Variants in QKI observed in about 807,000 individuals in gnomAD.
QKI encodes KH domain-containing RNA-binding protein QKI.
In QKI, 10 loss-of-function variants were observed where a neutral mutation model predicts 39.0. That is an observed-to-expected ratio of 0.26 (90% CI 0.16 to 0.43). QKI has a LOEUF of 0.43. Among genes scored for constraint, QKI ranks in the 20% least tolerant of loss-of-function variants. QKI has a pLI of 1.00. For synonymous variants in QKI, 204 were observed against 155.4 expected, an observed-to-expected ratio of 1.31 and a Z score of -2.33; for missense variants, 218 against 428.0, an observed-to-expected ratio of 0.51 and a Z score of 4.33.
At chr6:163,568,960 C>T (rs1016326829) in intron 7 of QKI, 33 of 985,872 alleles carry the variant, frequency 3.3e-5, no homozygotes, top group African/African-American at 2.3e-4. Flanking sequence ...TCACTCACTT[C>T]GTTTATATAT....
intron 4 of QKI, among the ~76,000 whole-genome samples, chr6:163,555,019 A>G (rs148329403): frequency 1.2e-3 from 190 of 152,330 alleles, no homozygotes; most frequent in Non-Finnish European, 2.2e-3. Flanking sequence ...GAGCAGATCA[A>G]GGTGGTAATT....
chr6:163,570,511 T>C (rs1490142028), intron 7 of QKI, 183 bp from the exon 8 acceptor site: 6 of 984,380 alleles, frequency 6.1e-6, no homozygotes, highest in East Asian at 2.3e-4. Flanking sequence ...GAAATTGTCA[T>C]GATTTTAATT....
intron 2 of QKI, among the ~76,000 whole-genome samples, chr6:163,466,853 G>C (rs1274440625): frequency 1.3e-5 from 2 of 152,000 alleles, no homozygotes; most frequent in East Asian, 1.9e-4. Context: ...AAAAACACAA[G>C]CAACAAAAGC....
intron 3 of QKI, among the ~76,000 whole-genome samples, chr6:163,507,360 A>G (rs926527661): frequency 2.0e-5 from 3 of 152,210 alleles, no homozygotes; most frequent in Non-Finnish European, 4.4e-5. Flanking sequence ...GCAACTCTAA[A>G]ATATGCACGA....
chr6:163,569,892 A>G (rs1446625027), intron 7 of QKI: 7 of 986,864 alleles, frequency 7.1e-6, no homozygotes, highest in Non-Finnish European at 8.4e-6. Context: ...TTGAGTGTAG[A>G]ATTTTAAATG....
chr6:163,554,871 T>C (rs1425650828), intron 4 of QKI, among the ~76,000 whole-genome samples: 1 of 152,256 alleles, frequency 6.6e-6, no homozygotes, highest in East Asian at 1.9e-4. Flanking sequence ...GTAATCACGC[T>C]GGCGCCCCCA....
At chr6:163,483,578 T>G (rs1000195660) in intron 3 of QKI, among the ~76,000 whole-genome samples, 2 of 152,214 alleles carry the variant, frequency 1.3e-5, no homozygotes, top group African/African-American at 4.8e-5. Context: ...TGCTCATCCA[T>G]AAGAAGCAAC....
At chr6:163,459,575 A>G (rs1281104453) in intron 2 of QKI, among the ~76,000 whole-genome samples, 3 of 152,206 alleles carry the variant, frequency 2.0e-5, no homozygotes, top group Non-Finnish European at 4.4e-5. Context: ...TTGCCGAAAA[A>G]TAATTGAGAT....
intron 1 of QKI, among the ~76,000 whole-genome samples, chr6:163,442,283 A>G (rs1029144222): frequency 6.6e-6 from 1 of 152,244 alleles, no homozygotes; most frequent in African/African-American, 2.4e-5. Context: ...TAAGTTTACT[A>G]GTATTTTAAA....
intron 3 of QKI, among the ~76,000 whole-genome samples, chr6:163,479,726 T>C (rs1281158283): frequency 6.6e-6 from 1 of 152,270 alleles, no homozygotes; most frequent in Non-Finnish European, 1.5e-5. Flanking sequence ...CAGTTCATCA[T>C]GTTACCTTCC....
rs760531396 is a variant in QKI, at chr6:163,415,267, A to G, written c.74A>G (p.Lys25Arg). The G allele has an allele frequency of 8.8e-6, 14 of 1,596,942 alleles. No individual in the cohort carries two copies. Among genetic ancestry groups the G allele is most frequent in the Non-Finnish European group, 5.1e-6 (6 of 1,169,302 alleles). ...PDYLMQLMND[K>R]KLMSSLPNFC... ...TACCTGATGCAGCTGATGAACGACA[A>G]GAAGCTCATGAGCAGCCTGCCCAAC... The change falls in exon 1 of 8, where the codon AAG becomes AGG. Residue 25 changes from lysine (K) to arginine (R), a missense_variant. Lys to Arg is a conservative substitution (Grantham distance 26). Around this residue, in one of 3 missense-constraint regions of QKI, gnomAD observed 40 missense variants for 48.7 expected, o/e 0.82. Coordinates refer to ENST00000361752, the MANE Select transcript of QKI (RefSeq NM_006775.3).
At chr6:163,421,222 A>T (rs985846542) in intron 1 of QKI, among the ~76,000 whole-genome samples, 3 of 152,220 alleles carry the variant, frequency 2.0e-5, no homozygotes, top group Non-Finnish European at 4.4e-5. Context: ...ATGTCATGTT[A>T]TTTGTAGTAC....
In QKI at chr6:163,478,952, A is replaced by G. The variant is rs1388704998; in HGVS notation, c.402+56A>G. The G allele has an allele frequency of 1.9e-5, 26 of 1,351,970 alleles. No homozygotes were observed. In the East Asian group the frequency reaches 2.6e-4, roughly 13 times the overall value. 83.7% of individuals were successfully genotyped at this position (1,351,970 alleles called of 1,614,324 possible). ...TGTGAGTAACTTACTATACTTTTAC[A>G]TCGTAATAATAAAATTTCCAGATTT... On this transcript the variant is annotated intron_variant, in intron 3 of 7. Transcript: ENST00000361752.
Position 163,415,404 on chromosome 6 carries a change from G to T in QKI, c.142+69G>T, listed in dbSNP as rs370301190. 2,686 of 1,484,972 alleles carry T rather than the reference G, an allele frequency of 1.8e-3. 117 individuals carry two copies. The East Asian group carries it at 0.051, about 28-fold the overall frequency. The allele number at this position is 1,484,972 out of a possible 1,614,324, so 92.0% of individuals were successfully genotyped here. A position where few individuals can be genotyped will look rare whatever the true frequency, so the allele number is the denominator to read the frequency against. ...GGCGGCCCCTTTCCCCGCTTGGGAT[G>T]GTGGGGAGGGCGGGAAGGTCACGGC... On this transcript the variant is annotated intron_variant, in intron 1 of 7. Coordinates refer to ENST00000361752, the MANE Select transcript of QKI (RefSeq NM_006775.3).
intron 4 of QKI, among the ~76,000 whole-genome samples, chr6:163,556,520 A>AC (rs1285817229): frequency 2.0e-5 from 3 of 149,704 alleles, no homozygotes; most frequent in African/African-American, 7.5e-5. Context: ...AAAAAAAAAA[A>AC]AAAACAACAA....
intron 1 of QKI, among the ~76,000 whole-genome samples, chr6:163,418,468 G>A: frequency 6.6e-6 from 1 of 152,030 alleles, no homozygotes; most frequent in Non-Finnish European, 1.5e-5. Context: ...TTGTTTTACT[G>A]CTTGTTTTTG....
intron 3 of QKI, among the ~76,000 whole-genome samples, chr6:163,517,985 C>A (rs1293967666): frequency 2.0e-5 from 3 of 152,050 alleles, no homozygotes; most frequent in Non-Finnish European, 2.9e-5. Flanking sequence ...CCTGCCCCTG[C>A]CCTACATATT....
chr6:163,534,876 A>AT, intron 3 of QKI, 106 bp from the exon 4 acceptor site: 2 of 977,576 alleles, frequency 2.0e-6, no homozygotes, highest in Admixed American at 3.0e-5. Context: ...TCATAGCAAA[A>AT]TAATGCAAAC....
intron 3 of QKI, among the ~76,000 whole-genome samples, chr6:163,483,671 T>C (rs1473720763): frequency 6.6e-6 from 1 of 152,158 alleles, no homozygotes; most frequent in Non-Finnish European, 1.5e-5. Flanking sequence ...TCTTGCTCTT[T>C]CCACCACATC....
Sources: allele counts gnomAD v4.1 joint callset (sites outside exome capture counted in the v4.1 genomes callset), GRCh38; gene constraint gnomAD v4.1.1; regional missense constraint gnomAD v4.1.1; transcripts MANE v1.5; gene names NCBI Gene and HGNC (gene_info 2026-07-23, HGNC 2026-07-21).